The following BAHCC1 variants were observed in gnomAD, a reference collection of about 807,000 sequenced individuals.
The protein encoded by BAHCC1 is BAH domain and coiled-coil containing 1, also known as BAH and coiled-coil domain-containing protein 1.
Under a neutral mutation model 88.2 loss-of-function variants are expected in BAHCC1, and 43 were observed. The ratio of observed to expected loss-of-function variants is 0.49; its 90% CI spans 0.38 to 0.63. The LOEUF (loss-of-function observed/expected upper bound fraction) is 0.63. BAHCC1 is among the 20% of genes least tolerant of loss of function. The pLI, the probability that BAHCC1 is intolerant of heterozygous loss-of-function variation, is 0.00. For missense variants in BAHCC1, 3,023 were observed against 1,654.8 expected, an observed-to-expected ratio of 1.83 and a Z score of -14.34; for synonymous variants, 1,510 against 745.5, an observed-to-expected ratio of 2.03 and a Z score of -16.71.
At chr17:81,452,170 C>A in intron 13 of BAHCC1, 63 bp downstream of exon 13, 1 of 553,466 alleles carries the variant, frequency 1.8e-6, no homozygotes, top group South Asian at 2.4e-5. Flanking sequence ...GGGAGGCGCC[C>A]ACAGTGCTGG....
At chr17:81,409,814 G>T (rs6565565) in intron 2 of BAHCC1, among the ~76,000 whole-genome samples, 3 of 152,198 alleles carry the variant, frequency 2.0e-5, no homozygotes, top group South Asian at 2.1e-4. Context: ...GTGCCAGCGA[G>T]GGGGAGACCA....
chr17:81,438,595 C>T, intron 4 of BAHCC1, 103 bp downstream of exon 4: 1 of 688,172 alleles, frequency 1.5e-6, no homozygotes, highest in South Asian at 1.6e-5. Flanking sequence ...TAGGTTAGCC[C>T]TCCCACCAGG....
At chr17:81,455,170 G>T (rs544391861) in intron 14 of BAHCC1, 97 bp from the exon 15 acceptor site, 58 of 652,224 alleles carry the variant, frequency 8.9e-5, no homozygotes, top group Non-Finnish European at 1.4e-4. Flanking sequence ...TTGGAGGAGG[G>T]TGACCCACAG....
intron 2 of BAHCC1, among the ~76,000 whole-genome samples, chr17:81,421,406 C>T (rs2143357555): frequency 6.6e-6 from 1 of 152,332 alleles, no homozygotes; most frequent in East Asian, 1.9e-4. Context: ...GTGCCATCCC[C>T]AAACACCGGG....
In BAHCC1 at chr17:81,434,174, C is replaced by T. The variant is rs1555651391; in HGVS notation, c.359-4196C>T. Among the ~76,000 whole-genome samples the T allele has an allele frequency of 6.6e-6, 1 of 152,116 alleles. No individual in the cohort carries two copies. On this transcript the variant is annotated intron_variant, in intron 3 of 27. Transcript: ENST00000675386. The surrounding 1 kb of genome is among the most constrained non-coding windows in gnomAD (Gnocchi z 4.9). Reference sequence around the variant, plus strand: ...CTTCTGAGCCAGGAGGATGGGCCCTCGCTGGACAGTGGGTATTTGAGACAG... The same window carrying T: ...CTTCTGAGCCAGGAGGATGGGCCCTTGCTGGACAGTGGGTATTTGAGACAG...
In BAHCC1 at chr17:81,416,540, T is replaced by TG. The variant is rs1555648770; in HGVS notation, c.179-10260_179-10259insG. On this transcript the variant is annotated intron_variant, in intron 2 of 27. Transcript: ENST00000675386. ...GTCCATGAGGATGGGTGTGTGCGTG[T>TG]TTGTGTGTACATGAGGATGGGTGTA... Among the ~76,000 whole-genome samples the TG allele has an allele frequency of 8.2e-5, 4 of 48,896 alleles. No homozygotes were observed. The East Asian group carries it at 3.3e-3, about 41-fold the overall frequency. The allele number at this position is 48,896 out of a possible 152,430, so 32.1% of individuals were successfully genotyped here.
intron 22 of BAHCC1, 48 bp from the exon 23 acceptor site, chr17:81,459,448 C>A: frequency 1.3e-6 from 1 of 774,564 alleles, no homozygotes; most frequent in East Asian, 2.4e-5. Flanking sequence ...TCAGGCAGCC[C>A]TGGGCCAGGC....
chr17:81,429,144 G>A (rs910580811), intron 3 of BAHCC1, among the ~76,000 whole-genome samples: 11 of 152,326 alleles, frequency 7.2e-5, no homozygotes, highest in South Asian at 4.1e-4. Flanking sequence ...GCACGTGTGC[G>A]GGACAGTGGG....
intron 11 of BAHCC1, among the ~76,000 whole-genome samples, chr17:81,451,375 T>A (rs1477363937): frequency 1.3e-5 from 2 of 152,188 alleles, no homozygotes; most frequent in African/African-American, 4.8e-5. Flanking sequence ...AACGAGCAGA[T>A]TGCTTTTACT....
intron 2 of BAHCC1, among the ~76,000 whole-genome samples, chr17:81,417,555 A>G (rs868908523): frequency 3.0e-5 from 4 of 131,414 alleles, no homozygotes; most frequent in Admixed American, 7.3e-5. Context: ...AGCGTCGGCC[A>G]CCCCCCCCCC....
rs782114732 is a variant in BAHCC1, at chr17:81,445,166, C to T, written c.2823C>T (p.Ala941=). The change falls in exon 9 of 28, where the codon GCC becomes GCT. Residue 941 remains alanine, a synonymous_variant. Coordinates refer to ENST00000675386, the MANE Select transcript of BAHCC1 (RefSeq NM_001377448.1). The stretch of plus-strand genomic sequence containing the variant: ...TCTATGCTTTGCAGCAGCAGAGGGC[C>T]GCCCAGTTCCAGGTACCGCCCCTAG... The part of the protein sequence containing the change: ...QELYALQQQR[A]AQFQRKPEDQ... 6.5e-6 allele frequency: 5 copies of T among 769,484 alleles called. No individual in the cohort carries two copies. The African/African-American group carries it at 6.8e-5, about 10-fold the overall frequency. 47.7% of individuals were successfully genotyped at this position (769,484 alleles called of 1,614,324 possible).
intron 2 of BAHCC1, among the ~76,000 whole-genome samples, chr17:81,403,238 C>T (rs1238007729): frequency 2.6e-5 from 4 of 152,166 alleles, no homozygotes; most frequent in Admixed American, 6.5e-5. Context: ...CTGGTCTGTA[C>T]GCCTCCCCTC....
At chr17:81,439,336 G>A (rs1461317646) in intron 4 of BAHCC1, among the ~76,000 whole-genome samples, 2 of 152,218 alleles carry the variant, frequency 1.3e-5, no homozygotes, top group Admixed American at 6.5e-5. Flanking sequence ...TACAGGTGTG[G>A]GGCCCCACAG....
rs547444545 is a variant in BAHCC1 at position 81,398,525 on chromosome 17, C to G, written c.-206-1009C>G. ...CCCGGAGCGGAGACCGGCCTCTGCTCGCGGTCCCCGGCAGGCGCTGAAGGA... is the reference window on the plus strand; with the variant it reads ...CCCGGAGCGGAGACCGGCCTCTGCTGGCGGTCCCCGGCAGGCGCTGAAGGA... On this transcript the variant is annotated intron_variant, in intron 1 of 27. Transcript: ENST00000675386. 5.9e-5 allele frequency among the ~76,000 whole-genome samples: 9 copies of G among 152,346 alleles called. No individual in the cohort carries two copies. The South Asian group carries it at 1.7e-3, about 28-fold the overall frequency.
intron 27 of BAHCC1, 79 bp downstream of exon 27, chr17:81,463,055 C>T (rs1244048744): frequency 4.3e-6 from 3 of 697,758 alleles, no homozygotes; most frequent in Non-Finnish European, 7.9e-6. Flanking sequence ...GCACTGTGCC[C>T]CAACACGGAG....
At chr17:81,423,607 C>G (rs1555649875) in intron 2 of BAHCC1, among the ~76,000 whole-genome samples, 1 of 152,218 alleles carries the variant, frequency 6.6e-6, no homozygotes, top group East Asian at 1.9e-4. Flanking sequence ...GGCTTGCTGC[C>G]CGTGGGATGG....
At chr17:81,407,844 G>GCA (rs1457439819) in intron 2 of BAHCC1, among the ~76,000 whole-genome samples, 1 of 152,308 alleles carries the variant, frequency 6.6e-6, no homozygotes, top group East Asian at 1.9e-4. Flanking sequence ...GTGTTCACCT[G>GCA]CACACACACA....
rs190497631 is a variant in BAHCC1 at position 81,436,410 on chromosome 17, C to G, written c.359-1960C>G. Among the ~76,000 whole-genome samples the G allele has an allele frequency of 3.7e-3, 560 of 152,338 alleles. 5 individuals are homozygous for G. The highest frequency in any genetic ancestry group is 0.013 in the African/African-American group (534 of 41,586). ...GCGGATGGGCTGGAGGCCTGGACCTCTGGAGGGGGGACCGGGGCTCCGTGC... is the reference window on the plus strand; with the variant it reads ...GCGGATGGGCTGGAGGCCTGGACCTGTGGAGGGGGGACCGGGGCTCCGTGC... On this transcript the variant is annotated intron_variant, in intron 3 of 27. Transcript: ENST00000675386.
At chr17:81,459,446 C>A in intron 22 of BAHCC1, 50 bp from the exon 23 acceptor site, 1 of 774,050 alleles carries the variant, frequency 1.3e-6, no homozygotes, top group Non-Finnish European at 2.4e-6. Context: ...TCTCAGGCAG[C>A]CCTGGGCCAG....
Sources: allele counts gnomAD v4.1 joint callset (sites outside exome capture counted in the v4.1 genomes callset), GRCh38; gene constraint gnomAD v4.1.1; non-coding constraint Gnocchi (gnomAD v3.1); transcripts MANE v1.5; gene names NCBI Gene and HGNC (gene_info 2026-07-23, HGNC 2026-07-21).